Variants in PDE7B observed in about 807,000 individuals in gnomAD.
PDE7B encodes the protein 3',5'-cyclic-AMP phosphodiesterase 7B.
A neutral mutation model predicts 56.2 loss-of-function variants in PDE7B; 29 were observed. That is an observed-to-expected ratio of 0.52 (90% CI 0.38 to 0.70). The LOEUF is 0.70. Among genes scored for constraint, PDE7B ranks in the 30% least tolerant of loss-of-function variants. The pLI is 0.00. For synonymous variants in PDE7B, 197 were observed against 196.9 expected (o/e 1.00, Z 0.00); for missense variants, 490 against 565.0 (o/e 0.87, Z 1.35).
chr6:136,152,063 A>G (rs1391194570), intron 6 of PDE7B, among the ~76,000 whole-genome samples: 2 of 152,224 alleles, frequency 1.3e-5, no homozygotes, highest in Non-Finnish European at 2.9e-5. Context: ...AGGCTGAGGA[A>G]GAAGAGGAAG....
intron 6 of PDE7B, among the ~76,000 whole-genome samples, chr6:136,153,541 G>A (rs1001970156): frequency 2.0e-5 from 3 of 152,150 alleles, no homozygotes; most frequent in African/African-American, 7.2e-5. Context: ...ATAAATCCAA[G>A]AAGTCCACAG....
intron 2 of PDE7B, among the ~76,000 whole-genome samples, chr6:136,092,371 A>C (rs147656660): frequency 3.3e-5 from 5 of 152,338 alleles, no homozygotes; most frequent in Admixed American, 3.3e-4. Flanking sequence ...ATCTAGTGGA[A>C]TTATGAAGAG....
chr6:135,911,696 A>G (rs1583762668), intron 1 of PDE7B, among the ~76,000 whole-genome samples: 1 of 152,212 alleles, frequency 6.6e-6, no homozygotes, highest in Non-Finnish European at 1.5e-5. Context: ...GCAGAAAACC[A>G]CAAAAGTCCA....
At chr6:136,064,714 G>C (rs530684179) in intron 2 of PDE7B, 5 of 152,244 alleles carry the variant, frequency 3.3e-5, no homozygotes, top group South Asian at 4.2e-4. Flanking sequence ...GGCCCATAAA[G>C]CATGGTTTTC....
chr6:136,021,684 C>T lies in PDE7B; in HGVS notation c.82+74160C>T, dbSNP rs538329357. Among the ~76,000 whole-genome samples the T allele has an allele frequency of 2.1e-4, 32 of 151,570 alleles. No homozygotes were observed. The East Asian group carries it at 3.5e-3, about 17-fold the overall frequency. On this transcript the variant is annotated intron_variant, in intron 2 of 12. Coordinates refer to ENST00000308191, the MANE Select transcript of PDE7B (RefSeq NM_018945.4). Reference sequence around the variant, plus strand: ...ATCCTGAAACTGTTTATTTTTCCTTCAGTCTCACAGCTACCACCCTAGCCA... The same window carrying T: ...ATCCTGAAACTGTTTATTTTTCCTTTAGTCTCACAGCTACCACCCTAGCCA...
At chr6:136,173,979 G>A in intron 9 of PDE7B, 91 bp downstream of exon 9, 1 of 854,638 alleles carries the variant, frequency 1.2e-6, no homozygotes, top group Non-Finnish European at 2.0e-6. Context: ...TTGCGTGAAT[G>A]GCAGAGAGCC....
intron 2 of PDE7B, among the ~76,000 whole-genome samples, chr6:136,037,251 A>T (rs1299407951): frequency 6.6e-6 from 1 of 152,234 alleles, no homozygotes; most frequent in Admixed American, 6.5e-5. Flanking sequence ...CCTGAGCCAC[A>T]TATCCAGGCT....
At chr6:136,003,589 C>T (rs573621527) in intron 2 of PDE7B, among the ~76,000 whole-genome samples, 84 of 152,276 alleles carry the variant, frequency 5.5e-4, no homozygotes, top group African/African-American at 1.7e-3. Flanking sequence ...TGCAAATAAA[C>T]TAGAAAATCT....
At position 135,906,218 on chromosome 6, in the gene PDE7B, A is replaced by C. The variant is rs192051613; in HGVS notation, c.22-41246A>C. ...TAGGACAGTAAAAAGCTTGAAAAAG[A>C]AGCATTTTAGAGAACTTATTGTATA... On this transcript the variant is annotated intron_variant, in intron 1 of 12. Transcript: ENST00000308191. Among the ~76,000 whole-genome samples the C allele has an allele frequency of 9.2e-5, 14 of 152,310 alleles. No homozygotes were observed. In the East Asian group the frequency reaches 2.5e-3, roughly 27 times the overall value.
chr6:136,045,554 A>G (rs1010585637), intron 2 of PDE7B, among the ~76,000 whole-genome samples: 2 of 152,144 alleles, frequency 1.3e-5, no homozygotes, highest in Non-Finnish European at 2.9e-5. Flanking sequence ...GTAGGTCACA[A>G]TTCTCATCAT....
At chr6:136,121,599 A>G (rs1294292417) in intron 3 of PDE7B, among the ~76,000 whole-genome samples, 3 of 152,222 alleles carry the variant, frequency 2.0e-5, no homozygotes, top group African/African-American at 7.2e-5. Context: ...TGCTAAAAGA[A>G]ATAAAGGATG....
chr6:135,948,125 T>G (rs912617881), intron 2 of PDE7B, among the ~76,000 whole-genome samples: 3 of 151,980 alleles, frequency 2.0e-5, no homozygotes, highest in Non-Finnish European at 4.4e-5. Context: ...TTTTATAGGT[T>G]AGAAACAATT....
At chr6:136,119,971 G>C (rs905469476) in intron 3 of PDE7B, among the ~76,000 whole-genome samples, 2 of 152,200 alleles carry the variant, frequency 1.3e-5, no homozygotes, top group East Asian at 3.9e-4. Context: ...AGTTGCTACA[G>C]GACTTTGATC....
chr6:135,884,009 T>G (rs911022615), intron 1 of PDE7B, among the ~76,000 whole-genome samples: 2 of 152,216 alleles, frequency 1.3e-5, no homozygotes, highest in South Asian at 4.1e-4. Context: ...TTTAATACAC[T>G]GAATATGACT....
chr6:136,002,158 T>A lies in PDE7B; in HGVS notation c.82+54634T>A, dbSNP rs536145457. ...CACAGACAAGGAAATGCTGAGAGAT[T>A]TTGTCACCACCAGGCCTGGCCTAAA... On this transcript the variant is annotated intron_variant, in intron 2 of 12. Coordinates refer to ENST00000308191, the MANE Select transcript of PDE7B (RefSeq NM_018945.4). 2.0e-5 allele frequency among the ~76,000 whole-genome samples: 3 copies of A among 152,228 alleles called. No homozygotes were observed. The South Asian group carries it at 6.2e-4, about 32-fold the overall frequency.
At chr6:136,123,454 A>G (rs1290514063) in intron 3 of PDE7B, among the ~76,000 whole-genome samples, 1 of 152,240 alleles carries the variant, frequency 6.6e-6, no homozygotes, top group Non-Finnish European at 1.5e-5. Context: ...AACTATCTCA[A>G]CGTTCACATA....
At chr6:135,853,724 A>AT (rs1774976225) in intron 1 of PDE7B, among the ~76,000 whole-genome samples, 1 of 151,098 alleles carries the variant, frequency 6.6e-6, no homozygotes, top group African/African-American at 2.5e-5. Context: ...TAGCTGGGAG[A>AT]ATTTTTTTTT....
In PDE7B at chr6:136,067,641, C is replaced by G. The variant is rs554523209; in HGVS notation, c.83-41090C>G. On this transcript the variant is annotated intron_variant, in intron 2 of 12. Coordinates refer to ENST00000308191, the MANE Select transcript of PDE7B (RefSeq NM_018945.4). ...TTTTGGTTTGCTTTGGTTTTGTATTCTATTTCAACTATTCTAAGTGTGATT... is the reference window on the plus strand; with the variant it reads ...TTTTGGTTTGCTTTGGTTTTGTATTGTATTTCAACTATTCTAAGTGTGATT... Among the ~76,000 whole-genome samples the G allele has an allele frequency of 2.6e-5, 4 of 152,238 alleles. No individual in the cohort carries two copies. The East Asian group carries it at 7.7e-4, about 29-fold the overall frequency.
intron 2 of PDE7B, among the ~76,000 whole-genome samples, chr6:136,027,494 C>G (rs760526666): frequency 1.0e-3 from 159 of 152,054 alleles, no homozygotes; most frequent in Non-Finnish European, 1.5e-3. Flanking sequence ...GTTTTCCTAG[C>G]TATGAACAAA....
Sources: allele counts gnomAD v4.1 joint callset (sites outside exome capture counted in the v4.1 genomes callset), GRCh38; gene constraint gnomAD v4.1.1; transcripts MANE v1.5; gene names NCBI Gene and HGNC (gene_info 2026-07-23, HGNC 2026-07-21).